The following FAT3 variants were observed in gnomAD, a reference collection of about 807,000 sequenced individuals.
FAT3 encodes the protein protocadherin Fat 3.
Under a neutral mutation model 310.2 loss-of-function variants are expected in FAT3, and 95 were observed. That is an observed-to-expected ratio of 0.31 (90% CI 0.26 to 0.36). The LOEUF (loss-of-function observed/expected upper bound fraction) is 0.36. Ranked by LOEUF, FAT3 falls within the 10% of genes least tolerant of loss-of-function variation. The probability of loss-of-function intolerance (pLI) is 1.00; values close to 1 mark genes in which losing one functional copy is unlikely to be tolerated. For missense variants in FAT3, 5,408 were observed against 5,715.6 expected, an observed-to-expected ratio of 0.95 and a Z score of 1.74; for synonymous variants, 2,314 against 2,192.9, an observed-to-expected ratio of 1.06 and a Z score of -1.54.
chr11:92,832,767 G>T (rs915517495), intron 14 of FAT3, among the ~76,000 whole-genome samples: 1 of 152,242 alleles, frequency 6.6e-6, no homozygotes, highest in South Asian at 2.1e-4. Context: ...ATGAGCCTCC[G>T]TGTGCAACTG....
intron 3 of FAT3, among the ~76,000 whole-genome samples, chr11:92,653,164 TA>T (rs1942449037): frequency 6.6e-6 from 1 of 151,960 alleles, no homozygotes; most frequent in Non-Finnish European, 1.5e-5. Flanking sequence ...GTCTAAAAAA[TA>T]AATAAATAAA....
intron 10 of FAT3, among the ~76,000 whole-genome samples, chr11:92,803,422 A>G (rs1219368126): frequency 6.6e-6 from 1 of 152,250 alleles, no homozygotes; most frequent in Non-Finnish European, 1.5e-5. Context: ...TTATGTAACA[A>G]AAGAACACTG....
intron 1 of FAT3, among the ~76,000 whole-genome samples, chr11:92,225,744 G>T (rs1009974106): frequency 6.6e-6 from 1 of 152,122 alleles, no homozygotes; most frequent in African/African-American, 2.4e-5. Context: ...CGTTCCCCAC[G>T]CCTGACTCGG....
chr11:92,617,221 T>C (rs1354278596), intron 3 of FAT3, among the ~76,000 whole-genome samples: 1 of 152,184 alleles, frequency 6.6e-6, no homozygotes, highest in Non-Finnish European at 1.5e-5. Flanking sequence ...TTTCATTTCA[T>C]TCATTTGATC....
intron 3 of FAT3, among the ~76,000 whole-genome samples, chr11:92,629,424 T>A (rs975312586): frequency 1.3e-5 from 2 of 150,832 alleles, no homozygotes; most frequent in Non-Finnish European, 3.0e-5. Context: ...TTTTTTTTTT[T>A]TTTTTTCTTT....
intron 3 of FAT3, among the ~76,000 whole-genome samples, chr11:92,682,356 G>A (rs1943504385): frequency 1.3e-5 from 2 of 152,184 alleles, no homozygotes. Flanking sequence ...GTTTTTAGAA[G>A]CATGTGATTA....
At chr11:92,806,050 T>G (rs1947498672) in intron 11 of FAT3, among the ~76,000 whole-genome samples, 1 of 152,130 alleles carries the variant, frequency 6.6e-6, no homozygotes, top group African/African-American at 2.4e-5. Flanking sequence ...GGTCAATGTG[T>G]GGTGTGTGTT....
At chr11:92,229,496 TTTTTTTTTTTGTTTTTTG>T (rs1327371959) in intron 1 of FAT3, among the ~76,000 whole-genome samples, 1 of 95,098 alleles carries the variant, frequency 1.1e-5, no homozygotes, top group Non-Finnish European at 2.2e-5. Context: ...TTTCGTGTTT[TTTTTTTTTTTGTTTTTTG>T]TTTTTTTTTA....
chr11:92,802,723 TAAAC>T (rs758581159), intron 10 of FAT3, among the ~76,000 whole-genome samples: 9 of 152,240 alleles, frequency 5.9e-5, no homozygotes, highest in Admixed American at 1.3e-4. Flanking sequence ...AGGCAGAACA[TAAAC>T]AAAGTGCCAA....
intron 3 of FAT3, among the ~76,000 whole-genome samples, chr11:92,632,930 C>G (rs542187616): frequency 6.6e-6 from 1 of 152,210 alleles, no homozygotes; most frequent in South Asian, 2.1e-4. Context: ...AACAAAGTGG[C>G]TCATGTGCTA....
At chr11:92,232,251 C>T in intron 1 of FAT3, among the ~76,000 whole-genome samples, 1 of 152,002 alleles carries the variant, frequency 6.6e-6, no homozygotes, top group East Asian at 1.9e-4. Flanking sequence ...GTGAATCTTT[C>T]CCACACTTTC....
At position 92,883,212 on chromosome 11, in the gene FAT3, C is replaced by G. The variant is rs1306541070; in HGVS notation, c.12756C>G (p.Ile4252Met). The change falls in exon 24 of 28, where the codon ATC (isoleucine) becomes ATG (methionine). Residue 4252 changes from isoleucine to methionine, a missense_variant. Transcript: ENST00000525166. The surrounding 1 kb of genome is among the most constrained non-coding windows in gnomAD (Gnocchi z 4.2). Reference sequence around the variant, plus strand: ...ACTCCAGGAGCAACCTGGATAAGATCGTGGACGGGCTGGGAGGCGAGCACC... The same window carrying G: ...ACTCCAGGAGCAACCTGGATAAGATGGTGGACGGGCTGGGAGGCGAGCACC... The part of the protein sequence containing the change: ...QSDSRSNLDK[I>M]VDGLGGEHQE... 2 of 1,613,212 alleles carry G rather than the reference C, an allele frequency of 1.2e-6. No individual in the cohort carries two copies.
intron 3 of FAT3, among the ~76,000 whole-genome samples, chr11:92,652,224 C>CT (rs1942406168): frequency 6.6e-6 from 1 of 151,902 alleles, no homozygotes; most frequent in African/African-American, 2.4e-5. Flanking sequence ...AGCCAACACC[C>CT]CACTTTTATC....
chr11:92,475,540 A>G (rs1952027111), intron 2 of FAT3, among the ~76,000 whole-genome samples: 1 of 152,008 alleles, frequency 6.6e-6, no homozygotes, highest in Non-Finnish European at 1.5e-5. Context: ...AAAGCCTTGA[A>G]ACTCTCACTC....
At position 92,707,369 on chromosome 11, in the gene FAT3, A is replaced by G. The variant is rs998089509; in HGVS notation, c.3669+9924A>G. On this transcript the variant is annotated intron_variant, in intron 4 of 27. Coordinates refer to ENST00000525166, the MANE Select transcript of FAT3 (RefSeq NM_001367949.2). ...TGCACACAGGCCTTAGGGAGCTGAG[A>G]CTCTGCTTTGTTTTCACTTGTGGAT... Among the ~76,000 whole-genome samples, 13 of 151,998 alleles carry G rather than the reference A, an allele frequency of 8.6e-5. No homozygotes were observed. In the South Asian group the frequency reaches 2.7e-3, roughly 32 times the overall value.
intron 2 of FAT3, among the ~76,000 whole-genome samples, chr11:92,480,134 G>T (rs559147211): frequency 2.0e-5 from 3 of 151,876 alleles, no homozygotes; most frequent in African/African-American, 7.3e-5. Flanking sequence ...GCGTGGTGGC[G>T]GGCGCCTGTA....
At chr11:92,613,903 T>G (rs187072724) in intron 3 of FAT3, among the ~76,000 whole-genome samples, 1 of 152,334 alleles carries the variant, frequency 6.6e-6, no homozygotes, top group African/African-American at 2.4e-5. Flanking sequence ...CTTCCCATTT[T>G]CCTTTAATCC....
chr11:92,487,528 A>G (rs1206364164), intron 2 of FAT3, among the ~76,000 whole-genome samples: 1 of 152,180 alleles, frequency 6.6e-6, no homozygotes, highest in Non-Finnish European at 1.5e-5. Flanking sequence ...ACATACAGAT[A>G]TAATGTACTC....
chr11:92,565,809 A>G (rs1955415638), intron 3 of FAT3, among the ~76,000 whole-genome samples: 1 of 152,242 alleles, frequency 6.6e-6, no homozygotes, highest in Non-Finnish European at 1.5e-5. Flanking sequence ...CAATAGATGC[A>G]GAAAAGGCCT....
Sources: allele counts gnomAD v4.1 joint callset (sites outside exome capture counted in the v4.1 genomes callset), GRCh38; gene constraint gnomAD v4.1.1; non-coding constraint Gnocchi (gnomAD v3.1); transcripts MANE v1.5; gene names NCBI Gene and HGNC (gene_info 2026-07-23, HGNC 2026-07-21).